The following SLC44A5 variants were observed in gnomAD, a reference collection of about 807,000 sequenced individuals.
SLC44A5 encodes choline transporter-like protein 5.
SLC44A5 carries 57 observed loss-of-function variants against 101.8 expected under a neutral mutation model. The observed-to-expected ratio is 0.56, with a 90% CI of 0.45 to 0.70. The LOEUF is 0.70. Ranked by LOEUF, SLC44A5 falls within the 30% of genes least tolerant of loss-of-function variation. The pLI is 0.00. For missense variants in SLC44A5, 737 were observed against 853.1 expected (o/e 0.86, Z 1.70); for synonymous variants, 281 against 290.9 (o/e 0.97, Z 0.35).
chr1:75,677,844 G>A, the SLC44A5 span: 7 of 379,148 alleles, frequency 1.8e-5, no homozygotes, highest in South Asian at 5.8e-5. Context: ...ATTTCCATCT[G>A]AGGTACCGGG....
At chr1:75,366,224 G>C (rs1376765730) in intron 3 of SLC44A5, among the ~76,000 whole-genome samples, 1 of 152,030 alleles carries the variant, frequency 6.6e-6, no homozygotes. Flanking sequence ...AGACCTAGTG[G>C]TGATGAAGTC....
chr1:75,627,523 T>G, the SLC44A5 span, among the ~76,000 whole-genome samples: 6 of 151,318 alleles, frequency 4.0e-5, no homozygotes, highest in Non-Finnish European at 7.4e-5. Flanking sequence ...TACAAAAAAA[T>G]TTTTTTTTAA....
chr1:75,672,564 C>T, the SLC44A5 span, among the ~76,000 whole-genome samples: 1 of 152,158 alleles, frequency 6.6e-6, no homozygotes, highest in Non-Finnish European at 1.5e-5. Context: ...TGGTCCTGTG[C>T]TGGTCTTGGA....
At chr1:75,251,103 C>T in intron 7 of SLC44A5, 107 bp downstream of exon 7, 1 of 808,414 alleles carries the variant, frequency 1.2e-6, no homozygotes, top group South Asian at 1.5e-5. Context: ...CATAATGAAC[C>T]CCCTGCCCAC....
upstream of SLC44A5, among the ~76,000 whole-genome samples, chr1:75,613,862 G>A (rs930211911): frequency 2.0e-5 from 3 of 152,146 alleles, no homozygotes; most frequent in Non-Finnish European, 4.4e-5. Flanking sequence ...AAGAATAAAG[G>A]GGAGGTGTCT....
chr1:75,219,378 T>C, intron 15 of SLC44A5, 34 bp from the exon 16 acceptor site: 1 of 1,426,716 alleles, frequency 7.0e-7, no homozygotes, highest in Admixed American at 1.7e-5. Context: ...AACCATTTGC[T>C]GGTAGATTGA....
At chr1:75,352,671 C>T (rs1658773466) in intron 3 of SLC44A5, among the ~76,000 whole-genome samples, 2 of 152,044 alleles carry the variant, frequency 1.3e-5, no homozygotes, top group South Asian at 4.1e-4. Flanking sequence ...GTCTTATACA[C>T]TGCTAGTGAG....
chr1:75,632,388 T>C, the SLC44A5 span, among the ~76,000 whole-genome samples: 1 of 152,158 alleles, frequency 6.6e-6, no homozygotes, highest in Admixed American at 6.5e-5. Context: ...CTTCTTTTTT[T>C]TTTTGCTTGT....
chr1:75,282,857 A>C (rs936169373), intron 5 of SLC44A5, among the ~76,000 whole-genome samples: 1 of 152,184 alleles, frequency 6.6e-6, no homozygotes, highest in African/African-American at 2.4e-5. Context: ...GAGTTAATTA[A>C]ACCACTTCCC....
intron 2 of SLC44A5, among the ~76,000 whole-genome samples, chr1:75,541,099 G>A (rs1481817414): frequency 3.9e-5 from 6 of 152,300 alleles, no homozygotes; most frequent in African/African-American, 1.4e-4. Context: ...GGGAGAGGGG[G>A]CAACGCTGGA....
chr1:75,673,711 T>C, the SLC44A5 span, among the ~76,000 whole-genome samples: 9 of 152,058 alleles, frequency 5.9e-5, no homozygotes, highest in East Asian at 1.6e-3. Context: ...TCCTAGGAGC[T>C]CAGAACAGAG....
chr1:75,275,763 G>A (rs1253312470), intron 5 of SLC44A5, among the ~76,000 whole-genome samples: 3 of 151,860 alleles, frequency 2.0e-5, no homozygotes, highest in African/African-American at 2.4e-5. Flanking sequence ...AGAGAGTAAC[G>A]TATATTAGGT....
chr1:75,241,738 A>G (rs987191431), intron 9 of SLC44A5, among the ~76,000 whole-genome samples: 6 of 152,214 alleles, frequency 3.9e-5, no homozygotes, highest in Middle Eastern at 3.4e-3. Context: ...CAAATGATCA[A>G]TCTGACTGAG....
intron 5 of SLC44A5, among the ~76,000 whole-genome samples, chr1:75,282,411 G>A (rs761000650): frequency 6.6e-6 from 1 of 152,148 alleles, no homozygotes; most frequent in Non-Finnish European, 1.5e-5. Flanking sequence ...TCTCAGATGA[G>A]ACTTTGGACT....
intron 2 of SLC44A5, among the ~76,000 whole-genome samples, chr1:75,423,413 A>G (rs1343229753): frequency 6.6e-6 from 1 of 152,232 alleles, no homozygotes; most frequent in Non-Finnish European, 1.5e-5. Flanking sequence ...ACAGAACAAG[A>G]AAGCTGATAT....
At chr1:75,523,145 A>T (rs1012793944) in intron 2 of SLC44A5, among the ~76,000 whole-genome samples, 2 of 152,180 alleles carry the variant, frequency 1.3e-5, no homozygotes, top group African/African-American at 4.8e-5. Context: ...GATTGCCAAG[A>T]ACTCACTGAA....
intron 2 of SLC44A5, among the ~76,000 whole-genome samples, chr1:75,531,116 G>A (rs927485061): frequency 3.9e-5 from 6 of 152,174 alleles, no homozygotes; most frequent in African/African-American, 1.4e-4. Flanking sequence ...CCTTTCATGA[G>A]CAATAAATGT....
At chr1:75,683,477 A>G in the SLC44A5 span, among the ~76,000 whole-genome samples, 1 of 152,100 alleles carries the variant, frequency 6.6e-6, no homozygotes, top group South Asian at 2.1e-4. Flanking sequence ...GAAATTGGAA[A>G]TCATCATTCT....
chr1:75,590,552 G>C (rs1163340242), intron 1 of SLC44A5, among the ~76,000 whole-genome samples: 3 of 152,068 alleles, frequency 2.0e-5, no homozygotes, highest in African/African-American at 7.2e-5. Context: ...AACCTGCCCT[G>C]GGGCAGAGAG....
Sources: gnomAD v4.1 joint callset for allele counts (sites outside exome capture counted in the v4.1 genomes callset) on GRCh38, gnomAD v4.1.1 for gene constraint, MANE v1.5 for transcripts, NCBI Gene and HGNC (gene_info 2026-07-23, HGNC 2026-07-21) for gene names.